Variants in MKLN1 observed in about 807,000 individuals in gnomAD.
MKLN1 encodes muskelin 1, also known as muskelin.
Under a neutral mutation model 99.0 loss-of-function variants are expected in MKLN1, and 18 were observed. The observed-to-expected ratio is 0.18, with a 90% CI of 0.13 to 0.27. The LOEUF is 0.27. Ranked by LOEUF, MKLN1 falls within the 10% of genes least tolerant of loss-of-function variation. The pLI, the probability that MKLN1 is intolerant of heterozygous loss-of-function variation, is 1.00. For synonymous variants in MKLN1, 288 were observed against 293.2 expected (o/e 0.98, Z 0.18); for missense variants, 621 against 875.9 (o/e 0.71, Z 3.67).
chr7:131,407,270 C>T (rs902955778), intron 6 of MKLN1, among the ~76,000 whole-genome samples: 3 of 151,768 alleles, frequency 2.0e-5, no homozygotes, highest in African/African-American at 7.3e-5. Context: ...GTCTACTTTC[C>T]AACTGCTTAT....
intron 7 of MKLN1, among the ~76,000 whole-genome samples, chr7:131,411,592 G>A (rs996728474): frequency 3.9e-5 from 4 of 102,466 alleles, no homozygotes; most frequent in African/African-American, 4.2e-5. Flanking sequence ...GGGCAACATG[G>A]TGAGACCTGT....
intron 2 of MKLN1, among the ~76,000 whole-genome samples, chr7:131,156,532 G>T (rs1186622257): frequency 6.6e-6 from 1 of 151,422 alleles, no homozygotes; most frequent in Non-Finnish European, 1.5e-5. Context: ...TCTTTTCCTG[G>T]GCTAGCGATG....
chr7:131,188,731 G>A (rs1351175131), intron 2 of MKLN1, among the ~76,000 whole-genome samples: 1 of 152,166 alleles, frequency 6.6e-6, no homozygotes, highest in Non-Finnish European at 1.5e-5. Context: ...GCAAGGGGCA[G>A]GGAAACAGGA....
At position 131,493,557 on chromosome 7, in the gene MKLN1, T is replaced by G. The variant is rs1020891858; in HGVS notation, c.*5829T>G. 1 of 152,202 alleles carries G rather than the reference T, an allele frequency of 6.6e-6. No individual in the cohort carries two copies. The highest frequency in any genetic ancestry group is 6.5e-5 in the Admixed American group (1 of 15,278). 9.4% of individuals were successfully genotyped at this position (152,202 alleles called of 1,614,324 possible). On this transcript the variant is annotated 3_prime_UTR_variant, in exon 18 of 18. Transcript: ENST00000352689. ...AAGTAGCATTTCTTGGGAAGTAGCATTTCCCTTCTTCCAAATAACTGTTTG... is the reference window on the plus strand; with the variant it reads ...AAGTAGCATTTCTTGGGAAGTAGCAGTTCCCTTCTTCCAAATAACTGTTTG...
intron 1 of MKLN1, among the ~76,000 whole-genome samples, chr7:131,112,701 C>T (rs1279664465): frequency 6.6e-6 from 1 of 152,102 alleles, no homozygotes; most frequent in Non-Finnish European, 1.5e-5. Flanking sequence ...CCATGCCTAG[C>T]CTTTCAGTCA....
In MKLN1 at chr7:131,489,437, A is replaced by T. The variant is rs2116718984; in HGVS notation, c.*1709A>T. On this transcript the variant is annotated 3_prime_UTR_variant, in exon 18 of 18. Transcript: ENST00000352689. ...AACCAAGTGGCTATCCAGTCAAGTA[A>T]ATACAGTTTGCTTACATACTTCAAC... 1 of 152,250 alleles carries T rather than the reference A, an allele frequency of 6.6e-6. No individual in the cohort carries two copies. The highest frequency in any genetic ancestry group is 1.5e-5 in the Non-Finnish European group (1 of 67,992). The allele number at this position is 152,250 out of a possible 1,614,324, so 9.4% of individuals were successfully genotyped here.
At chr7:131,476,791 G>GA (rs1235741890) in intron 16 of MKLN1, among the ~76,000 whole-genome samples, 2 of 151,950 alleles carry the variant, frequency 1.3e-5, no homozygotes, top group African/African-American at 4.8e-5. Context: ...AAACAATTTT[G>GA]AAAAAAGAAA....
chr7:131,372,792 T>G (rs1793505381), intron 1 of MKLN1, among the ~76,000 whole-genome samples: 1 of 151,620 alleles, frequency 6.6e-6, no homozygotes. Flanking sequence ...ATATGGTGAT[T>G]AAGAGCATGG....
At chr7:131,148,520 C>G (rs919493690) in intron 2 of MKLN1, among the ~76,000 whole-genome samples, 1 of 152,148 alleles carries the variant, frequency 6.6e-6, no homozygotes, top group Admixed American at 6.5e-5. Flanking sequence ...CATGCCTGTT[C>G]TCCCAACACT....
rs1412903374 is a variant in MKLN1 at position 131,491,300 on chromosome 7, C to G, written c.*3572C>G. ...ACAATCTCATCCCTTTGTAGAAATT[C>G]TTGCCTGAATTCTCACCAAGTTTTG... On this transcript the variant is annotated 3_prime_UTR_variant, in exon 18 of 18. Transcript: ENST00000352689. 6.6e-6 allele frequency: 1 copy of G among 151,880 alleles called. No homozygotes were observed. Among genetic ancestry groups the G allele is most frequent in the Non-Finnish European group, 1.5e-5 (1 of 67,978 alleles). The allele number at this position is 151,880 out of a possible 1,614,324, so 9.4% of individuals were successfully genotyped here. A position where few individuals can be genotyped will look rare whatever the true frequency, so the allele number is the denominator to read the frequency against.
chr7:131,326,176 T>C (rs1224869528), upstream of MKLN1, among the ~76,000 whole-genome samples: 1 of 152,174 alleles, frequency 6.6e-6, no homozygotes, highest in Non-Finnish European at 1.5e-5. Flanking sequence ...GTCTATTTTC[T>C]TCAAAGATAA....
At chr7:131,419,343 G>T (rs1222858118) in intron 8 of MKLN1, among the ~76,000 whole-genome samples, 1 of 145,554 alleles carries the variant, frequency 6.9e-6, no homozygotes, top group Non-Finnish European at 1.5e-5. Flanking sequence ...CTCTGCCTCC[G>T]GGGTTCAAGT....
chr7:131,428,572 A>G (rs1795428224), intron 8 of MKLN1, among the ~76,000 whole-genome samples: 1 of 152,204 alleles, frequency 6.6e-6, no homozygotes, highest in South Asian at 2.1e-4. Flanking sequence ...TACACTATAT[A>G]TTCCTCTGGG....
rs1452568953 is a variant in MKLN1 at position 131,300,144 on chromosome 7, G to A, written c.-178-75280G>A. ...AAGCAGAGAAGAGAGGTGTGTAATT[G>A]TGGGTAAGGGGGAGAGAATAGAGAC... On this transcript the variant is annotated intron_variant, in intron 3 of 7. Coordinates refer to the MKLN1 transcript ENST00000416992. Among the ~76,000 whole-genome samples the A allele has an allele frequency of 2.0e-5, 3 of 152,010 alleles. No individual in the cohort carries two copies. In the East Asian group the frequency reaches 5.8e-4, roughly 29 times the overall value.
intron 1 of MKLN1, among the ~76,000 whole-genome samples, chr7:131,355,645 T>TATATATATATATATATATATATAC (rs1457175030): frequency 7.5e-6 from 1 of 133,596 alleles, no homozygotes; most frequent in Admixed American, 7.5e-5. Flanking sequence ...TATATATATA[T>TATATATATATATATATATATATAC]ATATGCTTTA....
intron 6 of MKLN1, among the ~76,000 whole-genome samples, chr7:131,409,097 A>G (rs1305648936): frequency 6.6e-6 from 1 of 152,178 alleles, no homozygotes; most frequent in East Asian, 1.9e-4. Flanking sequence ...TTGAACTCAC[A>G]TGGTTCACAG....
chr7:131,361,285 A>G (rs1434572386), intron 1 of MKLN1, among the ~76,000 whole-genome samples: 1 of 150,928 alleles, frequency 6.6e-6, no homozygotes, highest in East Asian at 1.9e-4. Flanking sequence ...TAGCTTTTTT[A>G]TTTTAAAAAA....
intron 7 of MKLN1, among the ~76,000 whole-genome samples, chr7:131,412,901 C>G (rs931523080): frequency 2.0e-5 from 3 of 152,074 alleles, no homozygotes; most frequent in Admixed American, 6.6e-5. Flanking sequence ...TGCTTAAGAA[C>G]CTCCATAATT....
intron 2 of MKLN1, among the ~76,000 whole-genome samples, chr7:131,201,178 C>T (rs1175839379): frequency 6.6e-6 from 1 of 152,182 alleles, no homozygotes; most frequent in Non-Finnish European, 1.5e-5. Context: ...CACCACCACA[C>T]CTGGCTAACT....
Sources: gnomAD v4.1 joint callset for allele counts (sites outside exome capture counted in the v4.1 genomes callset) on GRCh38, gnomAD v4.1.1 for gene constraint, MANE v1.5 for transcripts, NCBI Gene and HGNC (gene_info 2026-07-23, HGNC 2026-07-21) for gene names.